Variants in KCNC2 observed in about 807,000 individuals in gnomAD.
The protein encoded by KCNC2 is voltage-gated potassium channel KCNC2.
KCNC2 carries 21 observed loss-of-function variants against 44.5 expected under a neutral mutation model. The observed-to-expected ratio is 0.47, with a 90% confidence interval of 0.33 to 0.68. KCNC2 has a LOEUF of 0.68. Among genes scored for constraint, KCNC2 ranks in the 30% least tolerant of loss-of-function variants. The probability of loss-of-function intolerance (pLI) is 0.01; values close to 1 mark genes in which losing one functional copy is unlikely to be tolerated. For missense variants in KCNC2, 589 were observed against 826.2 expected, an observed-to-expected ratio of 0.71 and a Z score of 3.52; for synonymous variants, 391 against 339.1, an observed-to-expected ratio of 1.15 and a Z score of -1.68.
intron 2 of KCNC2, among the ~76,000 whole-genome samples, chr12:75,157,278 C>T (rs1027399657): frequency 5.9e-5 from 9 of 151,780 alleles, no homozygotes; most frequent in East Asian, 1.9e-4. Context: ...TAGTCCTTGC[C>T]CTTCCTTCTT....
chr12:75,179,557 C>A (rs1010435748), intron 2 of KCNC2, among the ~76,000 whole-genome samples: 3 of 151,028 alleles, frequency 2.0e-5, no homozygotes, highest in Admixed American at 1.3e-4. Flanking sequence ...ATGTTAGACT[C>A]CATATTTTCA....
intron 2 of KCNC2, among the ~76,000 whole-genome samples, chr12:75,073,009 A>C (rs933315610): frequency 5.3e-4 from 81 of 152,248 alleles, no homozygotes; most frequent in Admixed American, 9.2e-4. Flanking sequence ...TCCAAAAAAA[A>C]CCCAAATCTG....
chr12:75,125,119 T>C (rs1224295102), intron 2 of KCNC2, among the ~76,000 whole-genome samples: 2 of 151,916 alleles, frequency 1.3e-5, no homozygotes, highest in African/African-American at 4.8e-5. Context: ...AAAAAATTAA[T>C]CAAAGTTTCT....
At chr12:75,076,034 TACATAC>T (rs1260817515) in intron 2 of KCNC2, among the ~76,000 whole-genome samples, 70 of 101,048 alleles carry the variant, frequency 6.9e-4, no homozygotes, top group Non-Finnish European at 1.1e-3. Context: ...TTATTAATGT[TACATAC>T]ACACACACAC....
intron 2 of KCNC2, among the ~76,000 whole-genome samples, chr12:75,145,706 G>C (rs901417123): frequency 6.6e-6 from 1 of 151,980 alleles, no homozygotes; most frequent in African/African-American, 2.4e-5. Context: ...GTGTCTTCTT[G>C]TTGTATATTC....
intron 4 of KCNC2, chr12:75,043,874 AT>A: frequency 9.7e-7 from 1 of 1,026,014 alleles, no homozygotes; most frequent in Non-Finnish European, 1.4e-6. Flanking sequence ...TTAAGTCATA[AT>A]TTCAGTGAAA....
At chr12:75,186,376 T>C (rs1378300748) in intron 2 of KCNC2, among the ~76,000 whole-genome samples, 9 of 152,238 alleles carry the variant, frequency 5.9e-5, no homozygotes, top group African/African-American at 2.2e-4. Flanking sequence ...CAGGAACAAA[T>C]TTCTATTTAT....
intron 2 of KCNC2, among the ~76,000 whole-genome samples, chr12:75,065,887 C>T (rs1467302189): frequency 6.6e-6 from 1 of 152,076 alleles, no homozygotes. Context: ...TGCTTAAAGA[C>T]AGCATTCAGT....
chr12:75,203,367 T>TTCCATTTAA (rs2031447347), intron 2 of KCNC2, among the ~76,000 whole-genome samples: 2 of 151,826 alleles, frequency 1.3e-5, no homozygotes, highest in Non-Finnish European at 3.0e-5. Context: ...GGAGTACGTT[T>TTCCATTTAA]TGGTAATGCT....
chr12:75,147,082 T>C (rs1890076308), intron 2 of KCNC2, among the ~76,000 whole-genome samples: 2 of 152,176 alleles, frequency 1.3e-5, no homozygotes, highest in South Asian at 4.1e-4. Context: ...TTGCTAGCTA[T>C]GTGATCAATA....
intron 2 of KCNC2, among the ~76,000 whole-genome samples, chr12:75,078,939 T>C (rs1884237848): frequency 6.6e-6 from 1 of 152,198 alleles, no homozygotes. Context: ...AGATTCTAGC[T>C]GTACCTGACT....
intron 2 of KCNC2, among the ~76,000 whole-genome samples, chr12:75,202,754 G>A (rs1373852777): frequency 6.7e-6 from 1 of 149,044 alleles, no homozygotes; most frequent in Non-Finnish European, 1.5e-5. Context: ...ATTTCTAAAA[G>A]GAATATTTTA....
intron 2 of KCNC2, among the ~76,000 whole-genome samples, chr12:75,118,016 G>A (rs923275955): frequency 2.0e-5 from 3 of 152,100 alleles, no homozygotes; most frequent in Non-Finnish European, 2.9e-5. Context: ...CCATCATGCT[G>A]GACTGTCTCA....
chr12:75,180,027 C>T (rs1374616983), intron 2 of KCNC2, among the ~76,000 whole-genome samples: 1 of 151,644 alleles, frequency 6.6e-6, no homozygotes, highest in Non-Finnish European at 1.5e-5. Flanking sequence ...GTTAACAACA[C>T]CAAAATTTAT....
At chr12:75,154,918 A>AT (rs1171445320) in intron 2 of KCNC2, among the ~76,000 whole-genome samples, 2 of 151,716 alleles carry the variant, frequency 1.3e-5, no homozygotes, top group Admixed American at 6.6e-5. Context: ...TGAAAAACTA[A>AT]TTTTTTTTCT....
chr12:75,103,879 A>C (rs1886570574), intron 2 of KCNC2, among the ~76,000 whole-genome samples: 1 of 152,188 alleles, frequency 6.6e-6, no homozygotes, highest in Non-Finnish European at 1.5e-5. Flanking sequence ...TCTCTCTCAA[A>C]ATATCTATGG....
At chr12:75,149,884 C>T (rs893736253) in intron 2 of KCNC2, among the ~76,000 whole-genome samples, 1 of 151,874 alleles carries the variant, frequency 6.6e-6, no homozygotes, top group African/African-American at 2.4e-5. Flanking sequence ...ATTATTGAGA[C>T]AAATTCAGTA....
intron 2 of KCNC2, among the ~76,000 whole-genome samples, chr12:75,151,098 G>T (rs779910135): frequency 6.6e-6 from 1 of 151,930 alleles, no homozygotes; most frequent in East Asian, 1.9e-4. Flanking sequence ...ATAACTGGAC[G>T]GGCTTGCAGA....
At chr12:75,122,890 T>C (rs2137295274) in intron 2 of KCNC2, among the ~76,000 whole-genome samples, 1 of 152,270 alleles carries the variant, frequency 6.6e-6, no homozygotes, top group Non-Finnish European at 1.5e-5. Context: ...ACTATTTTAT[T>C]TAATTCAGGT....
Sources: allele counts gnomAD v4.1 joint callset (sites outside exome capture counted in the v4.1 genomes callset), GRCh38; gene constraint gnomAD v4.1.1; transcripts MANE v1.5; gene names NCBI Gene and HGNC (gene_info 2026-07-23, HGNC 2026-07-21).